Variants in FER observed in about 807,000 individuals in gnomAD.
FER encodes FER tyrosine kinase, also known as tyrosine-protein kinase Fer.
A neutral mutation model predicts 111.0 loss-of-function variants in FER; 63 were observed. That is an observed-to-expected ratio of 0.57 (90% CI 0.46 to 0.70). The LOEUF (loss-of-function observed/expected upper bound fraction) is 0.70. FER is among the 30% of genes least tolerant of loss of function. The pLI is 0.00. For missense variants in FER, 914 were observed against 954.0 expected, an observed-to-expected ratio of 0.96 and a Z score of 0.55; for synonymous variants, 327 against 313.9, an observed-to-expected ratio of 1.04 and a Z score of -0.44.
At chr5:109,086,681 T>C (rs983254850) in intron 16 of FER, among the ~76,000 whole-genome samples, 4 of 151,796 alleles carry the variant, frequency 2.6e-5, no homozygotes, top group Admixed American at 6.6e-5. Flanking sequence ...TAGCACTGTT[T>C]AGCTATATAC....
chr5:109,044,750 A>G lies in FER; in HGVS notation c.1784A>G (p.Glu595Gly). 1 of 1,590,644 alleles carries G rather than the reference A, an allele frequency of 6.3e-7. No individual in the cohort carries two copies. The highest frequency in any genetic ancestry group is 8.5e-7 in the Non-Finnish European group (1 of 1,170,434). ...KTSVAVKTCK[E>G]DLPQELKIKF... The stretch of plus-strand genomic sequence containing the variant: ...TCTGTTGCTGTTAAAACATGTAAAG[A>G]AGATCTTCCTCAGGAATTGAAAATA... The change falls in exon 15 of 20, where the codon GAA becomes GGA. Residue 595 changes from glutamate to glycine, a missense_variant. This residue lies in a region of FER where 774 missense variants were observed against 782.6 expected (regional missense o/e 0.99). Transcript: ENST00000281092.
At chr5:108,910,652 G>C (rs1751419311) in intron 10 of FER, among the ~76,000 whole-genome samples, 1 of 151,688 alleles carries the variant, frequency 6.6e-6, no homozygotes, top group Admixed American at 6.6e-5. Flanking sequence ...CGCCCTTTAG[G>C]AGTCCCCAGT....
At chr5:108,805,265 G>A (rs917995605) in intron 3 of FER, among the ~76,000 whole-genome samples, 4 of 152,122 alleles carry the variant, frequency 2.6e-5, no homozygotes, top group African/African-American at 9.7e-5. Context: ...CACATAAGAC[G>A]TGATTTGCTC....
chr5:108,781,008 T>A (rs1439558728), intron 2 of FER, among the ~76,000 whole-genome samples: 1 of 152,228 alleles, frequency 6.6e-6, no homozygotes. Context: ...TTTTTGGTTC[T>A]GTCTTAGAAT....
chr5:109,083,476 C>T (rs1777219359), intron 16 of FER, among the ~76,000 whole-genome samples: 1 of 152,042 alleles, frequency 6.6e-6, no homozygotes, highest in Admixed American at 6.6e-5. Flanking sequence ...CACTTTATCT[C>T]CATTTTAACC....
intron 16 of FER, among the ~76,000 whole-genome samples, chr5:109,072,514 A>G (rs1775884984): frequency 6.6e-6 from 1 of 151,884 alleles, no homozygotes; most frequent in South Asian, 2.1e-4. Context: ...CGAAAAATAA[A>G]TGAAATCTTA....
rs1377088697 is a variant in FER, at chr5:109,189,038, T to A, written c.*1463T>A. On this transcript the variant is annotated 3_prime_UTR_variant, in exon 20 of 20. Coordinates refer to ENST00000281092, the MANE Select transcript of FER (RefSeq NM_005246.4). ...CCTCCCATTTCTACTTCCACCTTCATTGACCATTATACTGCCCCCTGGACA... is the reference window on the plus strand; with the variant it reads ...CCTCCCATTTCTACTTCCACCTTCAATGACCATTATACTGCCCCCTGGACA... 6.6e-6 allele frequency: 1 copy of A among 152,200 alleles called. No individual in the cohort carries two copies. The highest frequency in any genetic ancestry group is 1.9e-4 in the East Asian group (1 of 5,200). The allele number at this position is 152,200 out of a possible 1,614,324, so 9.4% of individuals were successfully genotyped here.
At chr5:108,887,471 A>G (rs967827713) in intron 9 of FER, among the ~76,000 whole-genome samples, 6 of 151,688 alleles carry the variant, frequency 4.0e-5, no homozygotes, top group African/African-American at 1.4e-4. Context: ...GTTCAAGCTT[A>G]TATAAGTAAT....
At chr5:109,165,818 C>T (rs1014808460) in intron 17 of FER, among the ~76,000 whole-genome samples, 1 of 152,136 alleles carries the variant, frequency 6.6e-6, no homozygotes, top group Non-Finnish European at 1.5e-5. Context: ...TGGAACTTGG[C>T]TCTTCATGCC....
chr5:109,159,103 T>C (rs1755720132), intron 17 of FER, among the ~76,000 whole-genome samples: 1 of 152,104 alleles, frequency 6.6e-6, no homozygotes, highest in Admixed American at 6.6e-5. Flanking sequence ...GTATTAACAG[T>C]CATTATCTCT....
chr5:109,138,190 A>G (rs1260387771), intron 17 of FER, among the ~76,000 whole-genome samples: 1 of 152,184 alleles, frequency 6.6e-6, no homozygotes, highest in African/African-American at 2.4e-5. Context: ...CAAAAAAGGA[A>G]AATGTTTCTT....
At chr5:108,769,104 G>A (rs1467799627) in intron 2 of FER, among the ~76,000 whole-genome samples, 3 of 152,164 alleles carry the variant, frequency 2.0e-5, no homozygotes, top group Admixed American at 6.5e-5. Context: ...TGGGATTACA[G>A]GCGTGAGCTA....
intron 1 of FER, among the ~76,000 whole-genome samples, chr5:108,749,971 C>T (rs972518907): frequency 6.6e-6 from 1 of 152,150 alleles, no homozygotes; most frequent in African/African-American, 2.4e-5. Context: ...TTTGTTACGG[C>T]TGGTAGCCTT....
At chr5:109,139,708 G>A (rs915146335) in intron 17 of FER, among the ~76,000 whole-genome samples, 5 of 152,022 alleles carry the variant, frequency 3.3e-5, no homozygotes, top group African/African-American at 1.2e-4. Flanking sequence ...TTCTGGATAT[G>A]ATGTGTTAAT....
intron 16 of FER, 116 bp from the exon 17 acceptor site, chr5:109,100,280 A>G: frequency 7.9e-7 from 1 of 1,271,358 alleles, no homozygotes; most frequent in Non-Finnish European, 1.1e-6. Context: ...GGCAAAAAGC[A>G]TGGCCAAATG....
intron 17 of FER, among the ~76,000 whole-genome samples, chr5:109,172,655 A>T (rs997091310): frequency 1.3e-5 from 2 of 152,046 alleles, no homozygotes; most frequent in East Asian, 1.9e-4. Context: ...AAAGAAAAAA[A>T]TTTTTTATAT....
At chr5:108,839,798 C>T (rs1045163499) in intron 5 of FER, among the ~76,000 whole-genome samples, 1 of 151,870 alleles carries the variant, frequency 6.6e-6, no homozygotes, top group Non-Finnish European at 1.5e-5. Context: ...AGGATGGTCG[C>T]GATCTCCTGA....
At chr5:108,794,531 C>CA (rs954346274) in intron 2 of FER, among the ~76,000 whole-genome samples, 4 of 130,108 alleles carry the variant, frequency 3.1e-5, no homozygotes, top group Admixed American at 7.9e-5. Context: ...TCCGCACCCC[C>CA]CCCCCTCCCC....
intron 3 of FER, chr5:108,820,609 C>T (rs1057468111): frequency 1.3e-5 from 12 of 906,182 alleles, no homozygotes; most frequent in East Asian, 1.2e-4. Flanking sequence ...AGTAATATCC[C>T]GGTAGTCATG....
Sources: allele counts gnomAD v4.1 joint callset (sites outside exome capture counted in the v4.1 genomes callset), GRCh38; gene constraint gnomAD v4.1.1; regional missense constraint gnomAD v4.1.1; transcripts MANE v1.5; gene names NCBI Gene and HGNC (gene_info 2026-07-23, HGNC 2026-07-21).